Variants in BPGM observed in about 807,000 individuals in gnomAD.
BPGM encodes the protein bisphosphoglycerate mutase.
BPGM carries 15 observed loss-of-function variants against 21.6 expected under a neutral mutation model. That is an observed-to-expected ratio of 0.70 (90% CI 0.47 to 1.07). The LOEUF is 1.07. Ranked by LOEUF, BPGM falls within the 50% of genes least tolerant of loss-of-function variation. BPGM has a pLI of 0.00. For synonymous variants in BPGM, 113 were observed against 116.2 expected, an observed-to-expected ratio of 0.97 and a Z score of 0.18; for missense variants, 273 against 319.0, an observed-to-expected ratio of 0.86 and a Z score of 1.10.
rs903716285 is a variant in BPGM, at chr7:134,661,822, G to A, written c.315G>A (p.Leu105=). 2 of 1,610,638 alleles carry A rather than the reference G, an allele frequency of 1.2e-6. No individual in the cohort carries two copies. Among genetic ancestry groups the A allele is most frequent in the African/African-American group, 1.3e-5 (1 of 74,792 alleles). Residue 105 remains leucine (L), a synonymous_variant, in exon 2 of 3, where the codon TTG becomes TTA. Transcript: ENST00000344924. This position sits in a 1 kb window ranked among gnomAD's most constrained non-coding sequence, Gnocchi z 4.6. ...GTCTCAACAGGGAGCAGATGGCTTT[G>A]AATCATGGTGAAGAACAAGTGAGGC... ...LIGLNREQMA[L]NHGEEQVRLW...
At chr7:134,657,634 AC>A (rs950209158) in intron 1 of BPGM, among the ~76,000 whole-genome samples, 23 of 152,132 alleles carry the variant, frequency 1.5e-4, no homozygotes, top group Non-Finnish European at 2.8e-4. Flanking sequence ...AGGCATGAGC[AC>A]CCCCCACTAG....
At chr7:134,648,022 T>C (rs1795489077) in intron 1 of BPGM, among the ~76,000 whole-genome samples, 1 of 152,042 alleles carries the variant, frequency 6.6e-6, no homozygotes, top group African/African-American at 2.4e-5. Flanking sequence ...GGTCTTGAAC[T>C]CCTGACCTCA....
chr7:134,672,922 C>T (rs1029917490), intron 2 of BPGM, among the ~76,000 whole-genome samples: 4 of 152,190 alleles, frequency 2.6e-5, no homozygotes, highest in African/African-American at 9.7e-5. Flanking sequence ...CACCTGTAAT[C>T]TCAGCACTTT....
chr7:134,666,056 T>G (rs1795816493), intron 2 of BPGM, among the ~76,000 whole-genome samples: 1 of 152,004 alleles, frequency 6.6e-6, no homozygotes, highest in Non-Finnish European at 1.5e-5. Context: ...TTTTGTAATT[T>G]TTTAGTAGAG....
At chr7:134,649,072 C>T (rs964840768) in intron 1 of BPGM, among the ~76,000 whole-genome samples, 7 of 152,160 alleles carry the variant, frequency 4.6e-5, no homozygotes, top group Non-Finnish European at 1.0e-4. Flanking sequence ...TGCATAATCA[C>T]ATCAGAGTAC....
At chr7:134,669,456 T>TAA (rs1795871409) in intron 2 of BPGM, among the ~76,000 whole-genome samples, 1 of 152,174 alleles carries the variant, frequency 6.6e-6, no homozygotes, top group Non-Finnish European at 1.5e-5. Context: ...TAGCCTTAAT[T>TAA]GGGCCTTCCA....
rs1374672280 is a variant in BPGM at position 134,661,796 on chromosome 7, G to C, written c.289G>C (p.Gly97Arg). 11 of 1,613,786 alleles carry C rather than the reference G, an allele frequency of 6.8e-6. No homozygotes were observed. The highest frequency in any genetic ancestry group is 9.3e-6 in the Non-Finnish European group (11 of 1,179,874). Residue 97 changes from glycine to arginine, a missense_variant, in exon 2 of 3, where the codon GGT becomes CGT. Physicochemically the swap from Gly to Arg is moderately radical, Grantham distance 125 (BLOSUM62 -2). Transcript: ENST00000344924. This position sits in a 1 kb window ranked among gnomAD's most constrained non-coding sequence, Gnocchi z 4.6. ...LNERHYGALIGLNREQMALNH... is the reference protein window; with the variant it reads ...LNERHYGALIRLNREQMALNH... Reference sequence around the variant, plus strand: ...TGAGCGTCACTATGGGGCCTTGATCGGTCTCAACAGGGAGCAGATGGCTTT... The same window carrying C: ...TGAGCGTCACTATGGGGCCTTGATCCGTCTCAACAGGGAGCAGATGGCTTT...
At chr7:134,667,533 C>A (rs1795838781) in intron 2 of BPGM, among the ~76,000 whole-genome samples, 1 of 151,996 alleles carries the variant, frequency 6.6e-6, no homozygotes, top group Middle Eastern at 3.2e-3. Context: ...TAGTGAGACC[C>A]CATTTTAGAA....
intron 2 of BPGM, among the ~76,000 whole-genome samples, chr7:134,666,696 C>T (rs986702068): frequency 5.9e-5 from 9 of 152,170 alleles, no homozygotes; most frequent in African/African-American, 1.9e-4. Flanking sequence ...TTAACTCCCA[C>T]ACCTAACATG....
At position 134,662,293 on chromosome 7, in the gene BPGM, C is replaced by T. The variant is rs1235113042; in HGVS notation, c.601+185C>T. 2.0e-5 allele frequency among the ~76,000 whole-genome samples: 3 copies of T among 152,158 alleles called. 1 individual carries two copies. In the South Asian group the frequency reaches 6.2e-4, roughly 32 times the overall value. ...TTGTGTGTTTTCTGTTCCTGTTACCCGAAGCAGCAGTTTTCAGACTTTAGC... is the reference window on the plus strand; with the variant it reads ...TTGTGTGTTTTCTGTTCCTGTTACCTGAAGCAGCAGTTTTCAGACTTTAGC... On this transcript the variant is annotated intron_variant, in intron 2 of 2. Coordinates refer to ENST00000344924, the MANE Select transcript of BPGM (RefSeq NM_001724.5).
rs1362261479 is a variant in BPGM at position 134,662,142 on chromosome 7, C to T, written c.601+34C>T. On this transcript the variant is annotated intron_variant, in intron 2 of 2. Transcript: ENST00000344924. ...TTTATATACCACTTATTAGAGGTTG[C>T]CAAGTGTGATATCTAGGCCTTAATC... The T allele has an allele frequency of 3.1e-6, 5 of 1,612,840 alleles. No homozygotes were observed. The South Asian group carries it at 4.4e-5, about 14-fold the overall frequency.
intron 1 of BPGM, among the ~76,000 whole-genome samples, chr7:134,650,732 C>G (rs1401518947): frequency 1.3e-5 from 2 of 152,180 alleles, no homozygotes; most frequent in African/African-American, 2.4e-5. Context: ...ACCATCCTGG[C>G]TAACATGGTG....
At chr7:134,672,831 T>C (rs1009001489) in intron 2 of BPGM, among the ~76,000 whole-genome samples, 8 of 152,152 alleles carry the variant, frequency 5.3e-5, no homozygotes, top group Non-Finnish European at 1.2e-4. Flanking sequence ...TATGCCAAAA[T>C]TGAGTAATGA....
At chr7:134,667,496 C>G (rs538876437) in intron 2 of BPGM, among the ~76,000 whole-genome samples, 6 of 152,014 alleles carry the variant, frequency 3.9e-5, no homozygotes, top group African/African-American at 1.5e-4. Flanking sequence ...TTGCTTGTGC[C>G]TAGGCTTGAG....
intron 2 of BPGM, among the ~76,000 whole-genome samples, chr7:134,674,858 G>A (rs1311698433): frequency 6.6e-6 from 1 of 152,148 alleles, no homozygotes; most frequent in East Asian, 1.9e-4. Flanking sequence ...AGAGGCTATA[G>A]CCTTTTGCAT....
In BPGM at chr7:134,679,041, A is replaced by G; in HGVS notation, c.*10A>G. ...ACAAGCTAAAAAATAGTCTTTCTCA[A>G]CTGTTGGCTAAGAAGAAATGCAAAA... On this transcript the variant is annotated 3_prime_UTR_variant, in exon 3 of 3. Coordinates refer to ENST00000344924, the MANE Select transcript of BPGM (RefSeq NM_001724.5). 6.2e-7 allele frequency: 1 copy of G among 1,613,618 alleles called. No individual in the cohort carries two copies. Among genetic ancestry groups the G allele is most frequent in the Non-Finnish European group, 8.5e-7 (1 of 1,179,568 alleles).
Position 134,662,095 on chromosome 7 carries a change from A to C in BPGM, c.588A>C (p.Leu196=), listed in dbSNP as rs760462261. The part of the protein sequence containing the change: ...SAHGNSSRAL[L]KHLEGISDED... ...ATGGAAATAGCAGTAGGGCACTCCT[A>C]AAACACCTGGAAGGTACCAGCTTTA... Residue 196 remains leucine, a synonymous_variant, in exon 2 of 3, where the codon CTA becomes CTC. Coordinates refer to ENST00000344924, the MANE Select transcript of BPGM (RefSeq NM_001724.5). 5 of 1,613,996 alleles carry C rather than the reference A, an allele frequency of 3.1e-6. No individual in the cohort carries two copies. The African/African-American group carries it at 6.7e-5, about 22-fold the overall frequency.
chr7:134,668,697 A>T (rs1442676591), intron 2 of BPGM, among the ~76,000 whole-genome samples: 2 of 152,152 alleles, frequency 1.3e-5, no homozygotes, highest in Non-Finnish European at 2.9e-5. Context: ...ATTTCATTTG[A>T]TCAATCATTG....
rs149492517 is a variant in BPGM at position 134,648,321 on chromosome 7, G to T, written c.-62+1384G>T. Among the ~76,000 whole-genome samples the T allele has an allele frequency of 2.5e-3, 381 of 151,038 alleles. 4 individuals carry two copies. The highest frequency in any genetic ancestry group is 8.6e-3 in the African/African-American group (356 of 41,176). On this transcript the variant is annotated intron_variant, in intron 1 of 2. Coordinates refer to ENST00000344924, the MANE Select transcript of BPGM (RefSeq NM_001724.5). ...CAGCTAATTTTGTGTTTTTAGTAGA[G>T]ACAGGATTTCACCATGTTGGCCAGG...
Sources: allele counts gnomAD v4.1 joint callset (sites outside exome capture counted in the v4.1 genomes callset), GRCh38; gene constraint gnomAD v4.1.1; non-coding constraint Gnocchi (gnomAD v3.1); transcripts MANE v1.5; gene names NCBI Gene and HGNC (gene_info 2026-07-23, HGNC 2026-07-21).